The following PHTF2 variants were observed in gnomAD, a reference collection of about 807,000 sequenced individuals.
The protein encoded by PHTF2 is protein PHTF2.
A neutral mutation model predicts 101.2 loss-of-function variants in PHTF2; 60 were observed. The ratio of observed to expected loss-of-function variants is 0.59; its 90% CI spans 0.48 to 0.73. PHTF2 has a LOEUF of 0.73. Ranked by LOEUF, PHTF2 falls within the 30% of genes least tolerant of loss-of-function variation. The pLI is 0.00. For synonymous variants in PHTF2, 311 were observed against 307.3 expected (o/e 1.01, Z -0.13); for missense variants, 747 against 908.7 (o/e 0.82, Z 2.29).
chr7:77,940,408 ATTT>A, intron 14 of PHTF2, 106 bp downstream of exon 13: 2 of 1,273,954 alleles, frequency 1.6e-6, no homozygotes, highest in Non-Finnish European at 2.1e-6. Context: ...TTACCTAATT[ATTT>A]TTTATTTTGC....
At chr7:77,925,675 G>A (rs1365473091) in intron 11 of PHTF2, among the ~76,000 whole-genome samples, 1 of 151,604 alleles carries the variant, frequency 6.6e-6, no homozygotes, top group African/African-American at 2.4e-5. Context: ...CTGTTGGCTA[G>A]GCTGGTCTTG....
intron 9 of PHTF2, among the ~76,000 whole-genome samples, chr7:77,916,090 C>T (rs1802894856): frequency 6.6e-6 from 1 of 151,660 alleles, no homozygotes; most frequent in African/African-American, 2.4e-5. Context: ...TCCATTTTTG[C>T]TGAGGAATGG....
At chr7:77,871,572 A>G (rs530067687) in intron 3 of PHTF2, among the ~76,000 whole-genome samples, 4 of 152,304 alleles carry the variant, frequency 2.6e-5, no homozygotes, top group African/African-American at 7.2e-5. Flanking sequence ...GCTACTTCCA[A>G]TTCTACCCCT....
intron 6 of PHTF2, 30 bp from the exon 6 acceptor site, chr7:77,901,732 T>C (rs368526866): frequency 1.5e-6 from 2 of 1,310,800 alleles, no homozygotes; most frequent in African/African-American, 1.5e-5. Flanking sequence ...TATATAAATA[T>C]ACTCTGTTGT....
chr7:77,940,378 A>G (rs1805541236), intron 14 of PHTF2, 76 bp downstream of exon 13: 1 of 1,333,520 alleles, frequency 7.5e-7, no homozygotes, highest in Non-Finnish European at 1.0e-6. Flanking sequence ...GAAGTACTTT[A>G]TTATTTCATT....
At chr7:77,805,402 G>T (rs1191935589) in intron 1 of PHTF2, among the ~76,000 whole-genome samples, 1 of 151,868 alleles carries the variant, frequency 6.6e-6, no homozygotes, top group Non-Finnish European at 1.5e-5. Flanking sequence ...TCCTCAATTT[G>T]ACTGGTTTCT....
chr7:77,935,416 G>A (rs1805033138), intron 12 of PHTF2, among the ~76,000 whole-genome samples: 1 of 151,742 alleles, frequency 6.6e-6, no homozygotes, highest in African/African-American at 2.4e-5. Context: ...TAGTAGAGAC[G>A]GGGTTTCACC....
intron 3 of PHTF2, among the ~76,000 whole-genome samples, chr7:77,859,651 C>A (rs11973405): frequency 6.6e-6 from 1 of 151,362 alleles, no homozygotes; most frequent in African/African-American, 2.4e-5. Context: ...GCAGCCGCAA[C>A]CTCCCAGGCC....
chr7:77,816,421 G>A (rs574098635), intron 1 of PHTF2, among the ~76,000 whole-genome samples: 1 of 152,026 alleles, frequency 6.6e-6, no homozygotes, highest in Non-Finnish European at 1.5e-5. Flanking sequence ...ATGGGTCCAG[G>A]ACAGATACAT....
chr7:77,935,411 G>C (rs1350492047), intron 12 of PHTF2, among the ~76,000 whole-genome samples: 1 of 151,878 alleles, frequency 6.6e-6, no homozygotes, highest in African/African-American at 2.4e-5. Context: ...ATTTTTAGTA[G>C]AGACGGGGTT....
chr7:77,954,637 T>TATATATATATAG (rs1806864851), intron 19 of PHTF2, among the ~76,000 whole-genome samples: 1 of 144,602 alleles, frequency 6.9e-6, no homozygotes, highest in Non-Finnish European at 1.5e-5. Context: ...TATATATATA[T>TATATATATATAG]ATATATATAG....
intron 1 of PHTF2, among the ~76,000 whole-genome samples, chr7:77,801,417 T>G (rs1249161372): frequency 6.6e-6 from 1 of 152,080 alleles, no homozygotes; most frequent in Non-Finnish European, 1.5e-5. Context: ...ACCCCGTCTC[T>G]ACTAAAAATA....
intron 1 of PHTF2, among the ~76,000 whole-genome samples, chr7:77,833,921 G>A (rs997953260): frequency 6.6e-6 from 1 of 152,064 alleles, no homozygotes; most frequent in Admixed American, 6.6e-5. Context: ...TAATATTAAT[G>A]TTTTTGGGTG....
At chr7:77,865,329 G>A (rs1797967395) in intron 3 of PHTF2, among the ~76,000 whole-genome samples, 1 of 151,838 alleles carries the variant, frequency 6.6e-6, no homozygotes, top group Admixed American at 6.6e-5. Context: ...GGGTTCAAGC[G>A]ATTCTCCTGC....
intron 1 of PHTF2, 191 bp from the exon 2 acceptor site, chr7:77,840,030 T>G (rs956262674): frequency 5.2e-6 from 2 of 383,234 alleles, no homozygotes; most frequent in African/African-American, 4.1e-5. Flanking sequence ...AACTTTCTAT[T>G]ATTGTGGCAA....
intron 19 of PHTF2, 52 bp downstream of exon 18, chr7:77,953,946 T>TG: frequency 1.3e-6 from 2 of 1,574,562 alleles, no homozygotes; most frequent in South Asian, 2.2e-5. Context: ...GCATTTTTGT[T>TG]GCGCCCATTT....
intron 19 of PHTF2, among the ~76,000 whole-genome samples, chr7:77,954,612 G>GTATATATATATATATA (rs66540211): frequency 1.1e-4 from 10 of 90,190 alleles, no homozygotes; most frequent in African/African-American, 2.4e-4. Flanking sequence ...CAAGTACTGT[G>GTATATATATATATATA]TATATATATA....
At chr7:77,860,401 T>C (rs1037873238) in intron 3 of PHTF2, among the ~76,000 whole-genome samples, 20 of 152,336 alleles carry the variant, frequency 1.3e-4, no homozygotes, top group African/African-American at 4.3e-4. Context: ...TACACAACAA[T>C]TTAAAGTGAT....
At chr7:77,838,121 A>G (rs1225728795) in intron 1 of PHTF2, among the ~76,000 whole-genome samples, 2 of 152,202 alleles carry the variant, frequency 1.3e-5, no homozygotes, top group Non-Finnish European at 2.9e-5. Context: ...AACAAATACA[A>G]TGAAGGTGTA....
Sources: allele counts gnomAD v4.1 joint callset (sites outside exome capture counted in the v4.1 genomes callset), GRCh38; gene constraint gnomAD v4.1.1; transcripts MANE v1.5; gene names NCBI Gene and HGNC (gene_info 2026-07-23, HGNC 2026-07-21).